Variants in DIAPH2 observed in about 807,000 individuals in gnomAD.
DIAPH2 encodes diaphanous related formin 2.
DIAPH2 carries 35 observed loss-of-function variants against 92.7 expected under a neutral mutation model. That is an observed-to-expected ratio of 0.38 (90% CI 0.29 to 0.50). The LOEUF is 0.50. Ranked by LOEUF, DIAPH2 falls within the 20% of genes least tolerant of loss-of-function variation. The pLI, the probability that DIAPH2 is intolerant of heterozygous loss-of-function variation, is 0.94. For missense variants in DIAPH2, 701 were observed against 819.5 expected (o/e 0.86, Z 1.77); for synonymous variants, 301 against 280.4 (o/e 1.07, Z -0.73).
At chrX:97,453,727 T>C (rs1467421492) in intron 26 of DIAPH2, among the ~76,000 whole-genome samples, 1 of 111,890 alleles carries the variant, frequency 8.9e-6, no homozygotes, top group African/African-American at 3.2e-5. Context: ...AAGGATAATA[T>C]TGAAGCAAGT....
intron 17 of DIAPH2, among the ~76,000 whole-genome samples, chrX:97,003,066 T>G (rs185721066): frequency 2.4e-4 from 27 of 111,901 alleles, no homozygotes; most frequent in African/African-American, 8.4e-4. Context: ...TGTGCCTGGC[T>G]TATTTCGCTC....
chrX:97,542,847 C>T (rs1291576636), intron 26 of DIAPH2, among the ~76,000 whole-genome samples: 1 of 111,077 alleles, frequency 9.0e-6, no homozygotes, highest in Non-Finnish European at 1.9e-5. Context: ...GTGGGGAAAA[C>T]GACAAGGGAG....
chrX:97,483,120 C>A (rs903058252), intron 26 of DIAPH2, among the ~76,000 whole-genome samples: 1 of 110,456 alleles, frequency 9.1e-6, no homozygotes, highest in African/African-American at 3.3e-5. Context: ...TTTTGCTCTT[C>A]TTTTATATAG....
At chrX:97,464,333 C>A (rs376739215) in intron 26 of DIAPH2, among the ~76,000 whole-genome samples, 3 of 85,662 alleles carry the variant, frequency 3.5e-5, no homozygotes, top group Non-Finnish European at 6.7e-5. Flanking sequence ...AAAAATTAGC[C>A]GGGCATGGTG....
intron 4 of DIAPH2, among the ~76,000 whole-genome samples, chrX:96,805,465 C>G (rs1382385022): frequency 9.0e-6 from 1 of 110,722 alleles, no homozygotes; most frequent in Non-Finnish European, 1.9e-5. Context: ...TCTCACTTTA[C>G]TCCTGAAAGG....
At chrX:97,520,622 T>A (rs2070984336) in intron 26 of DIAPH2, among the ~76,000 whole-genome samples, 1 of 112,234 alleles carries the variant, frequency 8.9e-6, no homozygotes, top group Non-Finnish European at 1.9e-5. Context: ...TTCAGGTGGT[T>A]TTTGCAACAA....
chrX:97,025,818 G>C (rs2066330963), intron 17 of DIAPH2, among the ~76,000 whole-genome samples: 1 of 112,172 alleles, frequency 8.9e-6, no homozygotes, highest in Non-Finnish European at 1.9e-5. Context: ...GTAATAAACA[G>C]TTTCAGCCAT....
intron 26 of DIAPH2, among the ~76,000 whole-genome samples, chrX:97,581,157 GTC>G (rs2071439392): frequency 1.1e-5 from 1 of 94,480 alleles, no homozygotes; most frequent in Admixed American, 1.2e-4. Context: ...GGTTTTTTGT[GTC>G]TCTATTTCCT....
intron 19 of DIAPH2, among the ~76,000 whole-genome samples, chrX:97,083,870 G>A (rs183981101): frequency 9.0e-6 from 1 of 111,706 alleles, no homozygotes; most frequent in East Asian, 2.8e-4. Flanking sequence ...GGAATGGAAA[G>A]TACTCATGTT....
At chrX:97,185,425 A>ATATATATATGTGTATATATATG (rs2067584526) in intron 22 of DIAPH2, among the ~76,000 whole-genome samples, 1 of 32,691 alleles carries the variant, frequency 3.1e-5, no homozygotes, top group Non-Finnish European at 5.0e-5. Context: ...ATATATATGT[A>ATATATATATGTGTATATATATG]TATATATATG....
chrX:97,315,367 T>G (rs2068831827), intron 23 of DIAPH2, among the ~76,000 whole-genome samples: 1 of 112,005 alleles, frequency 8.9e-6, no homozygotes, highest in African/African-American at 3.2e-5. Flanking sequence ...AGGCATGATA[T>G]GGCGTAACAG....
rs1397019389 is a variant in DIAPH2, at chrX:97,600,273, T to C, written c.*956T>C. ...GTCCCTTGAAGGCAGGGAATAGACT[T>C]CTAGAAAACCTGAGAGGAAAAAGAA... is the stretch of plus-strand genomic sequence containing the variant. On this transcript the variant is annotated 3_prime_UTR_variant, in exon 27 of 27. Transcript: ENST00000324765. 2 of 112,125 alleles carry C rather than the reference T, an allele frequency of 1.8e-5. No homozygotes were observed. Among genetic ancestry groups the C allele is most frequent in the African/African-American group, 6.5e-5 (2 of 30,910 alleles). 9.2% of individuals were successfully genotyped at this position (112,125 alleles called of 1,213,427 possible).
intron 4 of DIAPH2, among the ~76,000 whole-genome samples, chrX:96,855,635 G>C (rs948683839): frequency 9.2e-6 from 1 of 109,279 alleles, no homozygotes; most frequent in East Asian, 2.9e-4. Flanking sequence ...ATCATCCTAA[G>C]TGCTTAAAGA....
At chrX:97,445,406 C>T (rs1402929430) in intron 26 of DIAPH2, among the ~76,000 whole-genome samples, 1 of 108,922 alleles carries the variant, frequency 9.2e-6, no homozygotes, top group Non-Finnish European at 1.9e-5. Context: ...TCCCTCGTAA[C>T]ACTGTTTCTT....
chrX:96,994,005 A>G (rs1339963733), intron 17 of DIAPH2, among the ~76,000 whole-genome samples: 1 of 111,642 alleles, frequency 9.0e-6, no homozygotes, highest in Admixed American at 9.5e-5. Flanking sequence ...ATTGGAGACA[A>G]CTGGTAAAGG....
chrX:96,800,646 C>T (rs1304370988), intron 4 of DIAPH2, among the ~76,000 whole-genome samples: 2 of 112,152 alleles, frequency 1.8e-5, no homozygotes, highest in African/African-American at 3.2e-5. Context: ...TAATCTTTCT[C>T]TACCTCTCTA....
chrX:97,057,642 A>G, intron 17 of DIAPH2, among the ~76,000 whole-genome samples: 1 of 111,956 alleles, frequency 8.9e-6, no homozygotes, highest in East Asian at 2.8e-4. Context: ...TAAATACTTC[A>G]TATTTTAGGT....
Position 96,866,991 on chromosome X carries a change from T to C in DIAPH2, c.448-14588T>C, listed in dbSNP as rs140922723. 7.4e-3 allele frequency among the ~76,000 whole-genome samples: 824 copies of C among 111,972 alleles called. 5 individuals carry two copies. The highest frequency in any genetic ancestry group is 0.012 in the Non-Finnish European group (658 of 53,204). ...ATATTCAAATTCACAACTTAGGTCC[T>C]TAGAGGTAAGAATGCTACCAGCAGA... On this transcript the variant is annotated intron_variant, in intron 4 of 26. Transcript: ENST00000324765.
intron 4 of DIAPH2, among the ~76,000 whole-genome samples, chrX:96,830,180 A>C (rs888353986): frequency 3.6e-5 from 4 of 111,900 alleles, no homozygotes; most frequent in Non-Finnish European, 5.6e-5. Flanking sequence ...TGATAAAAGG[A>C]TCATAAAGTT....
Sources: gnomAD v4.1 joint callset for allele counts (sites outside exome capture counted in the v4.1 genomes callset) on GRCh38, gnomAD v4.1.1 for gene constraint, MANE v1.5 for transcripts, NCBI Gene and HGNC (gene_info 2026-07-23, HGNC 2026-07-21) for gene names.